CLVS1: variants seen among roughly 807,000 people sequenced by gnomAD.
The protein encoded by CLVS1 is clavesin 1.
CLVS1 carries 10 observed loss-of-function variants against 33.1 expected under a neutral mutation model. The ratio of observed to expected loss-of-function variants is 0.30; its 90% CI spans 0.19 to 0.51. CLVS1 has a LOEUF of 0.51. CLVS1 is among the 20% of genes least tolerant of loss of function. The pLI, the probability that CLVS1 is intolerant of heterozygous loss-of-function variation, is 0.97. For synonymous variants in CLVS1, 163 were observed against 166.1 expected, an observed-to-expected ratio of 0.98 and a Z score of 0.14; for missense variants, 343 against 433.4, an observed-to-expected ratio of 0.79 and a Z score of 1.85.
Position 61,419,396 on chromosome 8 carries a change from C to CAAAAAAA in CLVS1, c.631-34731_631-34725dup, listed in dbSNP as rs10635998. 3.4e-4 allele frequency among the ~76,000 whole-genome samples: 24 copies of CAAAAAAA among 70,324 alleles called. 1 individual carries two copies. The highest frequency in any genetic ancestry group is 9.4e-4 in the African/African-American group (21 of 22,320). 46.1% of individuals were successfully genotyped at this position (70,324 alleles called of 152,430 possible). On this transcript the variant is annotated intron_variant, in intron 3 of 5. Transcript: ENST00000325897. ...TGGGTGACAGAGCAAGACTCCGTCT[C>CAAAAAAA]AAAAAAAAAAAAAAAAAAAATATTT...
At chr8:61,081,539 C>G (rs894908337) in intron 1 of CLVS1, among the ~76,000 whole-genome samples, 4 of 152,084 alleles carry the variant, frequency 2.6e-5, no homozygotes, top group African/African-American at 9.7e-5. Context: ...CTTATGAGAA[C>G]CTGGAGTTAG....
chr8:61,411,823 G>A lies in CLVS1; in HGVS notation c.630+35044G>A, dbSNP rs73682299. On this transcript the variant is annotated intron_variant, in intron 3 of 5. Coordinates refer to ENST00000325897, the MANE Select transcript of CLVS1 (RefSeq NM_173519.3). ...AGATGTCGCCCCATGTGGTGCTTCA[G>A]AGTCTGGGAGTGGCCTGGGCATTTG... Among the ~76,000 whole-genome samples the A allele has an allele frequency of 3.0e-3, 456 of 152,342 alleles. 2 individuals are homozygous for A. The highest frequency in any genetic ancestry group is 0.01 in the African/African-American group (422 of 41,598).
chr8:61,057,009 A>G (rs896938059), upstream of CLVS1: 1 of 152,212 alleles, frequency 6.6e-6, no homozygotes, highest in African/African-American at 2.4e-5. Context: ...CGAAGACCCA[A>G]CTGCAGCAAC....
rs1193148348 is a variant in CLVS1 at position 61,117,378 on chromosome 8, A to G, written c.-242-14392A>G. Among the ~76,000 whole-genome samples the G allele has an allele frequency of 3.3e-5, 5 of 151,456 alleles. No homozygotes were observed. In the East Asian group the frequency reaches 5.8e-4, roughly 18 times the overall value. ...TACCCTTTATTTCCTTCTCCTGCCTAATTGCCCTGGCCAGAACTTTCAACA... is the reference window on the plus strand; with the variant it reads ...TACCCTTTATTTCCTTCTCCTGCCTGATTGCCCTGGCCAGAACTTTCAACA... On this transcript the variant is annotated intron_variant, in intron 1 of 2. Coordinates refer to the CLVS1 transcript ENST00000522621.
rs557603447 is a variant in CLVS1 at position 61,335,594 on chromosome 8, G to A, written c.455+35312G>A. Among the ~76,000 whole-genome samples the A allele has an allele frequency of 2.6e-5, 4 of 152,194 alleles. No individual in the cohort carries two copies. In the East Asian group the frequency reaches 7.7e-4, roughly 29 times the overall value. On this transcript the variant is annotated intron_variant, in intron 2 of 5. Coordinates refer to ENST00000325897, the MANE Select transcript of CLVS1 (RefSeq NM_173519.3). The stretch of plus-strand genomic sequence containing the variant: ...TCTGATGAGAGATTTTCCTCCTTAG[G>A]GCTGTTGTGACAATTTTCTTCAGAG...
chr8:61,265,058 C>T (rs924312957), intron 2 of CLVS1, among the ~76,000 whole-genome samples: 8 of 152,204 alleles, frequency 5.3e-5, no homozygotes, highest in African/African-American at 1.9e-4. Context: ...GCTTGGGGTC[C>T]CACAGGTCCA....
At chr8:61,257,034 A>G (rs2129592003) in intron 2 of CLVS1, among the ~76,000 whole-genome samples, 1 of 152,342 alleles carries the variant, frequency 6.6e-6, no homozygotes, top group East Asian at 1.9e-4. Flanking sequence ...AATGTTCAAC[A>G]TTATTTTTCC....
rs114899408 is a variant in CLVS1 at position 61,439,236 on chromosome 8, C to T, written c.631-14905C>T. ...ATTCAAGTGATCTGAGTTTCTCCAT[C>T]AAATGGCTTTTAAATAATGAGCAAT... On this transcript the variant is annotated intron_variant, in intron 3 of 5. Transcript: ENST00000325897. 4.7e-3 allele frequency among the ~76,000 whole-genome samples: 719 copies of T among 152,294 alleles called. 5 individuals carry two copies. The highest frequency in any genetic ancestry group is 0.016 in the African/African-American group (678 of 41,562).
intron 2 of CLVS1, among the ~76,000 whole-genome samples, chr8:61,339,159 TGC>T: frequency 6.6e-6 from 1 of 152,082 alleles, no homozygotes; most frequent in Non-Finnish European, 1.5e-5. Context: ...CAGCATGAGC[TGC>T]TATTGTGGGG....
At chr8:61,115,671 A>G (rs1157269854) in intron 1 of CLVS1, among the ~76,000 whole-genome samples, 1 of 151,398 alleles carries the variant, frequency 6.6e-6, no homozygotes, top group Non-Finnish European at 1.5e-5. Context: ...GATGTTTTCC[A>G]ATTTCATCCA....
intron 2 of CLVS1, among the ~76,000 whole-genome samples, chr8:61,367,150 GCTCGA>G (rs1255653968): frequency 2.0e-5 from 3 of 151,978 alleles, no homozygotes; most frequent in Non-Finnish European, 4.4e-5. Flanking sequence ...TAATGGAGCT[GCTCGA>G]CTCCAGTCCC....
intron 2 of CLVS1, among the ~76,000 whole-genome samples, chr8:61,206,808 C>T (rs1048004604): frequency 1.5e-4 from 23 of 152,044 alleles, no homozygotes; most frequent in Non-Finnish European, 3.4e-4. Context: ...AGGATGGTCT[C>T]GATCTCCTGA....
rs150459512 is a variant in CLVS1 at position 61,467,852 on chromosome 8, A to G, written c.977+9310A>G. Among the ~76,000 whole-genome samples the G allele has an allele frequency of 4.0e-3, 611 of 152,326 alleles. 3 individuals carry two copies. Among genetic ancestry groups the G allele is most frequent in the African/African-American group, 0.013 (551 of 41,574 alleles). On this transcript the variant is annotated intron_variant, in intron 5 of 5. Coordinates refer to ENST00000325897, the MANE Select transcript of CLVS1 (RefSeq NM_173519.3). ...TCTTATTAGCGGCTTTTGAAAGTTT[A>G]GATCTGGAGGAAGTCCTTAGATGTC... is the stretch of plus-strand genomic sequence containing the variant.
intron 2 of CLVS1, among the ~76,000 whole-genome samples, chr8:61,145,484 C>CTAGGTT (rs1806398287): frequency 6.6e-6 from 1 of 152,306 alleles, no homozygotes; most frequent in African/African-American, 2.4e-5. Flanking sequence ...CATTTCAAAA[C>CTAGGTT]TAGGTTTAAG....
chr8:61,392,842 C>CAAAAAAAAAAAAA (rs570764748), intron 3 of CLVS1, among the ~76,000 whole-genome samples: 1 of 149,488 alleles, frequency 6.7e-6, no homozygotes, highest in African/African-American at 2.5e-5. Context: ...GACTCTGTCT[C>CAAAAAAAAAAAAA]AAAAAAAACA....
At chr8:61,006,350 GGC>G in the CLVS1 span, among the ~76,000 whole-genome samples, 1 of 152,116 alleles carries the variant, frequency 6.6e-6, no homozygotes, top group African/African-American at 2.4e-5. Context: ...AGTTTCTCCT[GGC>G]CTCTCCTTGC....
intron 1 of CLVS1, chr8:61,292,010 C>G (rs774882884): frequency 1.6e-5 from 3 of 184,660 alleles, no homozygotes; most frequent in Non-Finnish European, 3.5e-5. Flanking sequence ...GTTACCTGTT[C>G]AGTAGGTCTA....
intron 2 of CLVS1, among the ~76,000 whole-genome samples, chr8:61,212,644 G>A (rs1184906157): frequency 1.3e-5 from 2 of 152,206 alleles, no homozygotes; most frequent in Admixed American, 1.3e-4. Flanking sequence ...CACAGTGATA[G>A]GAGCTAAGGT....
At chr8:61,453,408 T>C (rs1260495877) in intron 3 of CLVS1, among the ~76,000 whole-genome samples, 2 of 152,158 alleles carry the variant, frequency 1.3e-5, no homozygotes, top group Non-Finnish European at 2.9e-5. Context: ...GGAATCGTTT[T>C]TCTTAAATGC....
Sources: gnomAD v4.1 joint callset for allele counts (sites outside exome capture counted in the v4.1 genomes callset) on GRCh38, gnomAD v4.1.1 for gene constraint, MANE v1.5 for transcripts, NCBI Gene and HGNC (gene_info 2026-07-23, HGNC 2026-07-21) for gene names.